MS4A13: variants seen among roughly 807,000 people sequenced by gnomAD.
MS4A13 encodes membrane-spanning 4-domains subfamily A member 13.
In MS4A13, 21 loss-of-function variants were observed where a neutral mutation model predicts 18.4. The ratio of observed to expected loss-of-function variants is 1.14; its 90% CI spans 0.81 to 1.64. The LOEUF is 1.64. MS4A13 is among the 40% of genes most tolerant of loss of function. The pLI is 0.00. For synonymous variants in MS4A13, 62 were observed against 57.2 expected (o/e 1.08, Z -0.38); for missense variants, 173 against 176.8 (o/e 0.98, Z 0.12).
chr11:60,523,189 G>A (rs928586294), intron 3 of MS4A13, among the ~76,000 whole-genome samples: 1 of 152,074 alleles, frequency 6.6e-6, no homozygotes, highest in East Asian at 1.9e-4. Flanking sequence ...TTCAGGTTTG[G>A]GCTTCCTACA....
intron 3 of MS4A13, among the ~76,000 whole-genome samples, chr11:60,521,430 C>T (rs184190947): frequency 2.4e-4 from 36 of 152,296 alleles, no homozygotes; most frequent in Middle Eastern, 3.4e-3. Flanking sequence ...TCCAAGTCAC[C>T]TCTTGAAAGG....
intron 6 of MS4A13, among the ~76,000 whole-genome samples, chr11:60,532,539 T>A (rs1211797771): frequency 2.6e-5 from 4 of 152,174 alleles, no homozygotes; most frequent in Non-Finnish European, 4.4e-5. Flanking sequence ...GGAATCTCGC[T>A]GATTGCTAGC....
chr11:60,532,604 C>T (rs1364786524), intron 6 of MS4A13, among the ~76,000 whole-genome samples: 2 of 152,074 alleles, frequency 1.3e-5, no homozygotes, highest in East Asian at 1.9e-4. Context: ...GAGGGGCGCC[C>T]GCCATTGCGC....
chr11:60,533,610 C>G (rs1407256661), intron 6 of MS4A13, among the ~76,000 whole-genome samples: 2 of 104,960 alleles, frequency 1.9e-5, no homozygotes, highest in Non-Finnish European at 3.8e-5. Flanking sequence ...AGGATATTAT[C>G]CAGGAGAACT....
intron 2 of MS4A13, 74 bp from the exon 3 acceptor site, chr11:60,517,998 C>T: frequency 8.4e-7 from 1 of 1,190,356 alleles, no homozygotes; most frequent in Non-Finnish European, 1.2e-6. Flanking sequence ...TTAAATGCTT[C>T]TTATAGTTAA....
Position 60,525,187 on chromosome 11 carries a change from G to T in MS4A13, c.187-20G>T, listed in dbSNP as rs1194621882. The T allele has an allele frequency of 9.1e-6, 14 of 1,530,410 alleles. No individual in the cohort carries two copies. Among genetic ancestry groups the T allele is most frequent in the Non-Finnish European group, 1.3e-5 (14 of 1,109,418 alleles). 94.8% of individuals were successfully genotyped at this position (1,530,410 alleles called of 1,614,324 possible). A position where few individuals can be genotyped will look rare whatever the true frequency, so the allele number is the denominator to read the frequency against. On this transcript the variant is annotated intron_variant, in intron 4 of 6. Transcript: ENST00000378186. ...TGTTTATTCTGAATATAATAAATTT[G>T]CCCTCTGTCTCCTTTTCAGATTATA...
At chr11:60,527,400 C>CTGTGTGTGTGTG (rs1555024353) in intron 5 of MS4A13, among the ~76,000 whole-genome samples, 58 of 84,022 alleles carry the variant, frequency 6.9e-4, no homozygotes, top group African/African-American at 2.1e-3. Flanking sequence ...CTCTCTCTCT[C>CTGTGTGTGTGTG]TCTCTCTCTC....
intron 6 of MS4A13, among the ~76,000 whole-genome samples, chr11:60,538,754 A>T (rs1295283520): frequency 1.4e-5 from 2 of 142,932 alleles, no homozygotes; most frequent in African/African-American, 2.6e-5. Flanking sequence ...TGACACAGCA[A>T]AAAGGAAATT....
intron 2 of MS4A13, among the ~76,000 whole-genome samples, chr11:60,516,668 T>A (rs1322531663): frequency 6.6e-6 from 1 of 152,072 alleles, no homozygotes; most frequent in African/African-American, 2.4e-5. Context: ...TCCTTCGCAT[T>A]TTTTTTCCCT....
intron 5 of MS4A13, 45 bp from the exon 6 acceptor site, chr11:60,529,320 C>T: frequency 1.2e-6 from 1 of 863,922 alleles, no homozygotes; most frequent in South Asian, 1.5e-5. Context: ...TTTGCACTCA[C>T]TAAAGATAAT....
chr11:60,522,225 T>A (rs1456736582), intron 3 of MS4A13, among the ~76,000 whole-genome samples: 1 of 143,310 alleles, frequency 7.0e-6, no homozygotes, highest in Non-Finnish European at 1.5e-5. Flanking sequence ...GATAGATAGA[T>A]AGATAGATAG....
chr11:60,527,822 C>A (rs1226093709), intron 5 of MS4A13, among the ~76,000 whole-genome samples: 1 of 151,482 alleles, frequency 6.6e-6, no homozygotes, highest in Non-Finnish European at 1.5e-5. Context: ...GGTGATAGAG[C>A]GAGACTCAGT....
chr11:60,540,781 T>C (rs772279508), intron 6 of MS4A13, among the ~76,000 whole-genome samples: 11 of 151,962 alleles, frequency 7.2e-5, no homozygotes, highest in Non-Finnish European at 1.3e-4. Context: ...ACCTCATCTC[T>C]ACAAAAAAGT....
intron 6 of MS4A13, among the ~76,000 whole-genome samples, chr11:60,531,851 T>C (rs2086769385): frequency 6.6e-6 from 1 of 152,188 alleles, no homozygotes; most frequent in Non-Finnish European, 1.5e-5. Context: ...TATAACTTCA[T>C]TGCCAGTTAA....
chr11:60,541,556 A>C (rs143674999), intron 6 of MS4A13, among the ~76,000 whole-genome samples: 1 of 152,332 alleles, frequency 6.6e-6, no homozygotes, highest in East Asian at 1.9e-4. Context: ...AAACCAGGTA[A>C]AACTAAAGCT....
chr11:60,531,899 C>T (rs2086769972), intron 6 of MS4A13, among the ~76,000 whole-genome samples: 1 of 152,162 alleles, frequency 6.6e-6, no homozygotes, highest in African/African-American at 2.4e-5. Flanking sequence ...TTCCAAGGTA[C>T]TGGGAGTTAG....
Position 60,542,700 on chromosome 11 carries a change from A to G in MS4A13, c.*125A>G, listed in dbSNP as rs1040469121. The G allele has an allele frequency of 7.6e-6, 4 of 529,596 alleles. No homozygotes were observed. The highest frequency in any genetic ancestry group is 9.9e-6 in the Non-Finnish European group (3 of 301,786). 32.8% of individuals were successfully genotyped at this position (529,596 alleles called of 1,614,324 possible). On this transcript the variant is annotated 3_prime_UTR_variant, in exon 7 of 7. Coordinates refer to ENST00000378186, the MANE Select transcript of MS4A13 (RefSeq NM_001012417.3). ...TGCAAAATAAAATACAAACAAGGTG[A>G]ATTTTTCTCCTCATTCAAAAATGTC...
At chr11:60,542,052 G>C (rs1449040059) in intron 6 of MS4A13, among the ~76,000 whole-genome samples, 1 of 150,622 alleles carries the variant, frequency 6.6e-6, no homozygotes, top group Non-Finnish European at 1.5e-5. Context: ...TGGTTGCAGT[G>C]AGCCGAGATC....
chr11:60,527,780 G>A (rs1012672399), intron 5 of MS4A13, among the ~76,000 whole-genome samples: 2 of 152,074 alleles, frequency 1.3e-5, no homozygotes, highest in Non-Finnish European at 1.5e-5. Flanking sequence ...AGGTTGCAGT[G>A]AGCCGAGATT....
Sources: allele counts gnomAD v4.1 joint callset (sites outside exome capture counted in the v4.1 genomes callset), GRCh38; gene constraint gnomAD v4.1.1; transcripts MANE v1.5; gene names NCBI Gene and HGNC (gene_info 2026-07-23, HGNC 2026-07-21).